The following SWT1 variants were observed in gnomAD, a reference collection of about 807,000 sequenced individuals.
SWT1 encodes SWT1 RNA endoribonuclease homolog, also known as transcriptional protein SWT1.
Under a neutral mutation model 107.3 loss-of-function variants are expected in SWT1, and 33 were observed. That is an observed-to-expected ratio of 0.31 (90% CI 0.23 to 0.41). SWT1 has a LOEUF of 0.41. Ranked by LOEUF, SWT1 falls within the 10% of genes least tolerant of loss-of-function variation. SWT1 has a pLI of 1.00. For synonymous variants in SWT1, 345 were observed against 348.3 expected (o/e 0.99, Z 0.11); for missense variants, 898 against 1,028.9 (o/e 0.87, Z 1.74).
At position 185,180,380 on chromosome 1, in the gene SWT1, T is replaced by C. The variant is rs1029893796; in HGVS notation, c.967-11T>C. The C allele has an allele frequency of 3.7e-6, 6 of 1,609,238 alleles. No homozygotes were observed. The South Asian group carries it at 6.6e-5, about 18-fold the overall frequency. ...CTTTATTCTTAGCTAATGAAATTAC[T>C]TTCATTTCAGAGTTTTGAAGCACCA... is the stretch of plus-strand genomic sequence containing the variant. On this transcript the variant is annotated splice_polypyrimidine_tract_variant and intron_variant, in intron 5 of 18. Transcript: ENST00000367500.
In SWT1 at chr1:185,174,631, C is replaced by G. The variant is rs148615116; in HGVS notation, c.484C>G (p.Pro162Ala). The G allele has an allele frequency of 7.4e-6, 12 of 1,612,770 alleles. No individual in the cohort carries two copies. The highest frequency in any genetic ancestry group is 1.0e-5 in the Non-Finnish European group (12 of 1,179,794). ...SSPKIASDVK[P>A]KAEGQASENK... is the part of the protein sequence containing the mutation. ...TCCTAAGATTGCCAGTGATGTGAAA[C>G]CTAAAGCCGAAGGCCAGGCAAGTGA... Residue 162 changes from proline (P) to alanine (A), a missense_variant, in exon 5 of 19, where the codon CCT becomes GCT. By Grantham distance (27) the Pro-to-Ala change is conservative. This residue lies in a region of SWT1 where 382 missense variants were observed against 362.4 expected (regional missense o/e 1.05). Transcript: ENST00000367500.
intron 16 of SWT1, among the ~76,000 whole-genome samples, chr1:185,238,221 A>G (rs559372932): frequency 1.8e-4 from 27 of 152,142 alleles, no homozygotes; most frequent in African/African-American, 6.3e-4. Context: ...CCTGGGCTCA[A>G]GTGATCCTCC....
intron 16 of SWT1, among the ~76,000 whole-genome samples, chr1:185,269,414 A>G (rs1230545835): frequency 2.9e-5 from 4 of 139,806 alleles, no homozygotes; most frequent in Non-Finnish European, 6.1e-5. Context: ...TTGTTGGGAG[A>G]AAAACTTTTT....
At chr1:185,252,271 A>AT (rs1200904862) in intron 16 of SWT1, among the ~76,000 whole-genome samples, 1 of 151,978 alleles carries the variant, frequency 6.6e-6, no homozygotes, top group Non-Finnish European at 1.5e-5. Context: ...TAGCAGCATG[A>AT]TTTATAGTCC....
Position 185,174,540 on chromosome 1 carries a change from A to G in SWT1, c.393A>G (p.Lys131=), listed in dbSNP as rs1655372771. The G allele has an allele frequency of 6.2e-7, 1 of 1,608,700 alleles. No homozygotes were observed. Among genetic ancestry groups the G allele is most frequent in the Non-Finnish European group, 8.5e-7 (1 of 1,178,634 alleles). Residue 131 remains lysine, a synonymous_variant, in exon 5 of 19, where the codon AAA becomes AAG. Transcript: ENST00000367500. ...KKDIHKCVDF[K]PKDIKLTNAG... is the part of the protein sequence containing the mutation. Reference sequence around the variant, plus strand: ...ACATACATAAATGTGTAGACTTTAAACCTAAAGATATCAAATTGACAAATG... The same window carrying G: ...ACATACATAAATGTGTAGACTTTAAGCCTAAAGATATCAAATTGACAAATG...
chr1:185,161,065 C>T (rs1052408699), intron 2 of SWT1, 140 bp downstream of exon 2: 24 of 637,144 alleles, frequency 3.8e-5, no homozygotes, highest in Admixed American at 2.4e-4. Context: ...TTTGCTTTTC[C>T]GGTTTTTTAC....
At chr1:185,200,328 T>C (rs937965216) in intron 10 of SWT1, among the ~76,000 whole-genome samples, 10 of 152,142 alleles carry the variant, frequency 6.6e-5, no homozygotes, top group African/African-American at 2.4e-4. Flanking sequence ...AGAAAAGGCA[T>C]TGTGGTTTTG....
chr1:185,223,526 G>A (rs1040522205), intron 15 of SWT1, among the ~76,000 whole-genome samples: 3 of 152,038 alleles, frequency 2.0e-5, no homozygotes, highest in Non-Finnish European at 1.5e-5. Context: ...CTGGAGTGAG[G>A]TGGTGTCTCA....
intron 15 of SWT1, chr1:185,226,865 A>G: frequency 1.3e-6 from 2 of 1,531,442 alleles, no homozygotes; most frequent in Non-Finnish European, 1.8e-6. Flanking sequence ...GAGCTACCCG[A>G]TCTTTCTTCT....
At chr1:185,233,000 T>C (rs1441852418) in intron 16 of SWT1, among the ~76,000 whole-genome samples, 1 of 152,132 alleles carries the variant, frequency 6.6e-6, no homozygotes, top group East Asian at 1.9e-4. Flanking sequence ...GCTTATCTAG[T>C]GGTTCTCAAA....
chr1:185,182,370 C>G (rs1437661838), intron 7 of SWT1, among the ~76,000 whole-genome samples: 5 of 152,152 alleles, frequency 3.3e-5, no homozygotes, highest in African/African-American at 1.2e-4. Flanking sequence ...AAGCACTGAT[C>G]AGAAATAATG....
intron 13 of SWT1, 150 bp from the exon 14 acceptor site, chr1:185,214,357 T>C (rs1659055298): frequency 6.2e-6 from 3 of 481,208 alleles, no homozygotes. Context: ...TAATTATTGC[T>C]TTTTGTACCA....
chr1:185,206,201 C>T (rs555643990), intron 12 of SWT1, among the ~76,000 whole-genome samples: 40 of 152,254 alleles, frequency 2.6e-4, no homozygotes, highest in African/African-American at 9.6e-4. Context: ...TTGTGATACG[C>T]CCACGTCGGC....
chr1:185,281,217 T>C, intron 18 of SWT1: 1 of 225,966 alleles, frequency 4.4e-6, no homozygotes, highest in Non-Finnish European at 8.9e-6. Context: ...CTGCCCTAAC[T>C]CTTGTTTTGG....
chr1:185,194,716 T>A (rs1436636421), intron 10 of SWT1, among the ~76,000 whole-genome samples: 1 of 152,208 alleles, frequency 6.6e-6, no homozygotes, highest in Admixed American at 6.5e-5. Context: ...TGTTACTGTG[T>A]TTTTTATTGC....
intron 18 of SWT1, among the ~76,000 whole-genome samples, chr1:185,284,809 G>T (rs1664852556): frequency 6.6e-6 from 1 of 152,126 alleles, no homozygotes; most frequent in Non-Finnish European, 1.5e-5. Context: ...GCTCAAGGGG[G>T]AGTGATGTGA....
chr1:185,157,362 C>G (rs537830292), intron 1 of SWT1, 48 bp downstream of exon 1: 31 of 152,674 alleles, frequency 2.0e-4, no homozygotes, highest in Non-Finnish European at 3.7e-4. Flanking sequence ...GGTTCCCCCT[C>G]GTCCCCCGCC....
chr1:185,171,237 T>C (rs1655032097), intron 4 of SWT1: 1 of 158,532 alleles, frequency 6.3e-6, no homozygotes. Context: ...TCTAATTTTC[T>C]GTTCAATCCA....
chr1:185,267,467 A>G lies in SWT1; in HGVS notation c.2442-3856A>G, dbSNP rs76938924. The stretch of plus-strand genomic sequence containing the variant: ...ATTATGTGTTGTTATTGATGCTGTC[A>G]TAAAGGAAACCAGAGCACATCCAGC... On this transcript the variant is annotated intron_variant, in intron 16 of 18. Coordinates refer to ENST00000367500, the MANE Select transcript of SWT1 (RefSeq NM_017673.7). Among the ~76,000 whole-genome samples, 475 of 152,360 alleles carry G rather than the reference A, an allele frequency of 3.1e-3. 2 individuals are homozygous for G. Among genetic ancestry groups the G allele is most frequent in the African/African-American group, 0.01 (418 of 41,592 alleles).
Sources: gnomAD v4.1 joint callset for allele counts (sites outside exome capture counted in the v4.1 genomes callset) on GRCh38, gnomAD v4.1.1 for gene constraint, gnomAD v4.1.1 regional missense constraint, MANE v1.5 for transcripts, NCBI Gene and HGNC (gene_info 2026-07-23, HGNC 2026-07-21) for gene names.